Variants in CEACAM19 observed in about 807,000 individuals in gnomAD.
CEACAM19 encodes cell adhesion molecule CEACAM19.
CEACAM19 carries 37 observed loss-of-function variants against 37.6 expected under a neutral mutation model. The observed-to-expected ratio is 0.98, with a 90% CI of 0.76 to 1.29. The LOEUF (loss-of-function observed/expected upper bound fraction) is 1.29, where lower values mean the gene tolerates loss of function less well. CEACAM19 is among the 50% of genes most tolerant of loss of function. The pLI is 0.00. For synonymous variants in CEACAM19, 140 were observed against 149.8 expected (o/e 0.93, Z 0.48); for missense variants, 340 against 375.6 (o/e 0.91, Z 0.78).
At chr19:44,667,861 AT>A (rs1973759695), upstream of CEACAM19, among the ~76,000 whole-genome samples, 1 of 70,046 alleles carries the variant, frequency 1.4e-5, no homozygotes, top group South Asian at 4.2e-4. Context: ...ATATATATAA[AT>A]TATATATAAT....
chr19:44,675,325 A>G (rs1488182478), intron 2 of CEACAM19, among the ~76,000 whole-genome samples: 1 of 152,116 alleles, frequency 6.6e-6, no homozygotes, highest in African/African-American at 2.4e-5. Context: ...CCAGCTTGAG[A>G]GTAAAGCTGG....
chr19:44,680,513 C>T (rs1295273304), intron 5 of CEACAM19, among the ~76,000 whole-genome samples, 179 bp downstream of exon 5: 1 of 151,926 alleles, frequency 6.6e-6, no homozygotes, highest in African/African-American at 2.4e-5. Flanking sequence ...GCACCCACCC[C>T]AAACCTGCTT....
At chr19:44,677,008 G>A (rs1480057994) in intron 3 of CEACAM19, among the ~76,000 whole-genome samples, 2 of 152,016 alleles carry the variant, frequency 1.3e-5, no homozygotes, top group African/African-American at 4.8e-5. Flanking sequence ...TTATATACTC[G>A]TCAACTCTGT....
intron 2 of CEACAM19, 63 bp from the exon 3 acceptor site, chr19:44,676,208 T>G: frequency 6.5e-7 from 1 of 1,536,802 alleles, no homozygotes; most frequent in Non-Finnish European, 8.9e-7. Flanking sequence ...GGTGAGGGAC[T>G]GGGGGAGCCC....
intron 2 of CEACAM19, among the ~76,000 whole-genome samples, chr19:44,674,618 G>T (rs1973914297): frequency 6.6e-6 from 1 of 151,996 alleles, no homozygotes; most frequent in Non-Finnish European, 1.5e-5. Flanking sequence ...GCCCAGGCTG[G>T]TCTCCAACTC....
At position 44,671,985 on chromosome 19, in the gene CEACAM19, A is replaced by G. The variant is rs1461926768; in HGVS notation, c.54A>G (p.Ser18=). The G allele has an allele frequency of 1.9e-6, 3 of 1,602,902 alleles. No individual in the cohort carries two copies. Among genetic ancestry groups the G allele is most frequent in the Non-Finnish European group, 2.6e-6 (3 of 1,174,154 alleles). Residue 18 remains serine, a splice_region_variant and synonymous_variant, in exon 1 of 8, where the codon TCA becomes TCG. Transcript: ENST00000358777. The part of the protein sequence containing the change: ...QGCFSKSLLL[S]ASILVLWMLQ... ...GCTTCTCAAAGAGCCTCCTGCTCTC[A>G]GGTAAGGAGGAAATAGACCCTAAAG...
chr19:44,683,549 C>A lies in CEACAM19; in HGVS notation c.*59C>A. Reference sequence around the variant, plus strand: ...AAGGCCCCAGCCCTCCTCTGGGAGCCTCACACCTGAGACCAGCAGGACAAG... The same window carrying A: ...AAGGCCCCAGCCCTCCTCTGGGAGCATCACACCTGAGACCAGCAGGACAAG... On this transcript the variant is annotated 3_prime_UTR_variant, in exon 8 of 8. Transcript: ENST00000358777. 8.7e-7 allele frequency: 1 copy of A among 1,147,708 alleles called. No individual in the cohort carries two copies. Among genetic ancestry groups the A allele is most frequent in the Non-Finnish European group, 1.2e-6 (1 of 819,376 alleles). 71.1% of individuals were successfully genotyped at this position (1,147,708 alleles called of 1,614,324 possible). A position where few individuals can be genotyped will look rare whatever the true frequency, so the allele number is the denominator to read the frequency against.
At chr19:44,678,674 G>T (rs1019012794) in intron 3 of CEACAM19, 179 bp from the exon 4 acceptor site, 1 of 810,494 alleles carries the variant, frequency 1.2e-6, no homozygotes, top group Non-Finnish European at 1.8e-6. Context: ...GCCTCCCAAA[G>T]TGTTGGGATT....
At chr19:44,682,737 C>G (rs996563985) in intron 7 of CEACAM19, 117 bp downstream of exon 7, 4 of 936,758 alleles carry the variant, frequency 4.3e-6, no homozygotes, top group Non-Finnish European at 4.7e-6. Flanking sequence ...CCTCGTCCCC[C>G]CAAGCCTCAC....
At chr19:44,667,883 A>C (rs1363570817), upstream of CEACAM19, among the ~76,000 whole-genome samples, 1 of 74,454 alleles carries the variant, frequency 1.3e-5, no homozygotes, top group Middle Eastern at 0.017. Flanking sequence ...ATATAAATAT[A>C]TATAAATTAT....
upstream of CEACAM19, among the ~76,000 whole-genome samples, chr19:44,667,983 A>AATATAGTATAT (rs1973765688): frequency 2.2e-5 from 1 of 45,902 alleles, no homozygotes; most frequent in African/African-American, 9.3e-5. Flanking sequence ...CTATATTATA[A>AATATAGTATAT]ATATAGTATA....
chr19:44,667,767 AT>A (rs1426988283), upstream of CEACAM19, among the ~76,000 whole-genome samples: 2 of 73,858 alleles, frequency 2.7e-5, no homozygotes, highest in Admixed American at 2.5e-4. Flanking sequence ...AATTATATAT[AT>A]TTATATATAA....
At chr19:44,668,759 T>A (rs1034547045), upstream of CEACAM19, among the ~76,000 whole-genome samples, 8,151 of 91,434 alleles carry the variant, frequency 0.089, 1,754 homozygotes, top group African/African-American at 0.51. Flanking sequence ...TATAATATAA[T>A]ATATATAATA....
intron 3 of CEACAM19, chr19:44,677,982 T>A (rs1291472396): frequency 1.3e-5 from 2 of 151,968 alleles, no homozygotes; most frequent in Non-Finnish European, 2.9e-5. Flanking sequence ...GGCCTATTTC[T>A]TTTTCTTTTT....
chr19:44,676,167 C>A, intron 2 of CEACAM19, 104 bp from the exon 3 acceptor site: 1 of 1,185,598 alleles, frequency 8.4e-7, no homozygotes, highest in Non-Finnish European at 1.2e-6. Context: ...GAAACTGCAC[C>A]TCAGTTCTCC....
intron 1 of CEACAM19, among the ~76,000 whole-genome samples, chr19:44,666,332 ACTT>A (rs1973713968): frequency 6.6e-6 from 1 of 152,132 alleles, no homozygotes; most frequent in Non-Finnish European, 1.5e-5. Context: ...GTTTGCAACA[ACTT>A]CTCTCCCGGA....
At chr19:44,677,648 T>C (rs1032234594) in intron 3 of CEACAM19, 1 of 152,200 alleles carries the variant, frequency 6.6e-6, no homozygotes, top group African/African-American at 2.4e-5. Flanking sequence ...TTTTGTCTCC[T>C]TTCTCAACTC....
chr19:44,667,670 ATATATAT>A (rs1973743764), upstream of CEACAM19, among the ~76,000 whole-genome samples: 1 of 88,192 alleles, frequency 1.1e-5, no homozygotes, highest in African/African-American at 4.8e-5. Context: ...ATAAATATAA[ATATATAT>A]TATATATATA....
In CEACAM19 at chr19:44,683,448, C is replaced by A; in HGVS notation, c.858C>A (p.Asn286Lys). 1 of 1,561,710 alleles carries A rather than the reference C, an allele frequency of 6.4e-7. No homozygotes were observed. Among genetic ancestry groups the A allele is most frequent in the South Asian group, 1.2e-5 (1 of 84,608 alleles). Residue 286 changes from asparagine (N) to lysine (K), a missense_variant, in exon 8 of 8, where the codon AAC becomes AAA. By Grantham distance (94) the Asn-to-Lys change is moderately conservative (BLOSUM62 0). Transcript: ENST00000358777. ...PENHQYQDLL[N>K]PDPAPYCQLV... ...TTCCCCCCAAGCAGGACCTGCTAAA[C>A]CCCGACCCTGCCCCCTACTGCCAGC...
Sources: gnomAD v4.1 joint callset for allele counts (sites outside exome capture counted in the v4.1 genomes callset) on GRCh38, gnomAD v4.1.1 for gene constraint, MANE v1.5 for transcripts, NCBI Gene and HGNC (gene_info 2026-07-23, HGNC 2026-07-21) for gene names.